ADD1: variants seen among roughly 807,000 people sequenced by gnomAD.
ADD1 encodes alpha-adducin.
Under a neutral mutation model 80.5 loss-of-function variants are expected in ADD1, and 24 were observed. That is an observed-to-expected ratio of 0.30 (90% CI 0.22 to 0.42). The LOEUF (loss-of-function observed/expected upper bound fraction) is 0.42, where lower values mean the gene tolerates loss of function less well. Ranked by LOEUF, ADD1 falls within the 10% of genes least tolerant of loss-of-function variation. The pLI is 1.00. For missense variants in ADD1, 948 were observed against 1,019.0 expected (o/e 0.93, Z 0.95); for synonymous variants, 373 against 393.8 (o/e 0.95, Z 0.63).
At chr4:2,915,103 T>G in intron 14 of ADD1, 63 bp downstream of exon 14, 2 of 1,519,224 alleles carry the variant, frequency 1.3e-6, no homozygotes, top group South Asian at 1.3e-5. Context: ...GGAGCTTCTT[T>G]GTGGTCCAGG....
At chr4:2,897,539 TC>T (rs1454660133) in intron 6 of ADD1, among the ~76,000 whole-genome samples, 2 of 120,676 alleles carry the variant, frequency 1.7e-5, no homozygotes, top group Non-Finnish European at 3.5e-5. Context: ...GAAAACCTCC[TC>T]CTTTTTTTTT....
intron 14 of ADD1, among the ~76,000 whole-genome samples, chr4:2,923,583 G>A (rs767365878): frequency 1.6e-4 from 24 of 152,206 alleles, no homozygotes; most frequent in Non-Finnish European, 2.4e-4. Flanking sequence ...GTTCCTATTC[G>A]GCCATGTTGC....
intron 1 of ADD1, among the ~76,000 whole-genome samples, chr4:2,858,203 C>T (rs927667264): frequency 2.6e-5 from 4 of 152,206 alleles, no homozygotes; most frequent in Admixed American, 1.3e-4. Context: ...GAATGTTCTT[C>T]TGGTGTCCTT....
At chr4:2,916,240 G>T (rs1739044293) in intron 14 of ADD1, among the ~76,000 whole-genome samples, 1 of 150,848 alleles carries the variant, frequency 6.6e-6, no homozygotes, top group Non-Finnish European at 1.5e-5. Context: ...TCTGTCGCCA[G>T]GCTGGAGTGC....
intron 4 of ADD1, among the ~76,000 whole-genome samples, chr4:2,886,145 C>T (rs1314631028): frequency 6.6e-6 from 1 of 152,110 alleles, no homozygotes; most frequent in Non-Finnish European, 1.5e-5. Context: ...GTAATTCCAC[C>T]AATACTTCCA....
intron 2 of ADD1, 43 bp from the exon 3 acceptor site, chr4:2,881,855 C>A (rs764781475): frequency 3.9e-6 from 6 of 1,539,682 alleles, no homozygotes; most frequent in Non-Finnish European, 5.2e-6. Context: ...GCCCAAGGAA[C>A]AGAAAATAAA....
chr4:2,895,928 T>C (rs1279363234), intron 6 of ADD1, among the ~76,000 whole-genome samples: 1 of 151,486 alleles, frequency 6.6e-6, no homozygotes, highest in African/African-American at 2.4e-5. Context: ...CGCTCTGTCA[T>C]CCAGGCTGGA....
chr4:2,905,042 C>A lies in ADD1; in HGVS notation c.1440C>A (p.His480Gln). Residue 480 changes from histidine to glutamine, a missense_variant, in exon 10 of 16, where the codon CAC becomes CAA. His to Gln is a conservative substitution (Grantham distance 24). Coordinates refer to ENST00000683351, the MANE Select transcript of ADD1 (RefSeq NM_001354761.2). Reference protein sequence around the residue: ...TKVWTNITHDHVKPLLQSLSS... With the variant: ...TKVWTNITHDQVKPLLQSLSS... The stretch of plus-strand genomic sequence containing the variant: ...TGTGGACGAACATTACACACGATCA[C>A]GTGAAACCCTTGCTGCAGTCTCTCT... The A allele has an allele frequency of 6.2e-7, 1 of 1,614,192 alleles. No homozygotes were observed. The highest frequency in any genetic ancestry group is 8.5e-7 in the Non-Finnish European group (1 of 1,180,038).
chr4:2,885,434 T>TAGTA (rs1462207094), intron 4 of ADD1, among the ~76,000 whole-genome samples: 1 of 152,184 alleles, frequency 6.6e-6, no homozygotes, highest in Non-Finnish European at 1.5e-5. Context: ...CCTTCTCTAC[T>TAGTA]ATCTTTGAGA....
In ADD1 at chr4:2,894,573, T is replaced by C; in HGVS notation, c.592-9T>C. Reference sequence around the variant, plus strand: ...TTGGTATTTTACATTTTTATTTTTTTATTTTCAGGTTAAGATCAATCTACA... The same window carrying C: ...TTGGTATTTTACATTTTTATTTTTTCATTTTCAGGTTAAGATCAATCTACA... On this transcript the variant is annotated splice_polypyrimidine_tract_variant and intron_variant, in intron 5 of 15. Transcript: ENST00000683351. The C allele has an allele frequency of 6.3e-7, 1 of 1,579,210 alleles. No individual in the cohort carries two copies. The highest frequency in any genetic ancestry group is 8.5e-7 in the Non-Finnish European group (1 of 1,169,840).
chr4:2,905,102 C>G lies in ADD1; in HGVS notation c.1500C>G (p.Asn500Lys). The G allele has an allele frequency of 6.2e-7, 1 of 1,614,150 alleles. No homozygotes were observed. Among genetic ancestry groups the G allele is most frequent in the Non-Finnish European group, 8.5e-7 (1 of 1,179,992 alleles). Residue 500 changes from asparagine to lysine, a missense_variant, in exon 10 of 16, where the codon AAC becomes AAG. Asn to Lys is a moderately conservative substitution (Grantham distance 94). Coordinates refer to ENST00000683351, the MANE Select transcript of ADD1 (RefSeq NM_001354761.2). ...TCTGCGTGCCAAGCTGTATTACCAA[C>G]TGCTTGGTCTGTGCCTACCTTACTG... ...SGVCVPSCIT[N>K]CLWTKEDGHR...
At chr4:2,908,739 C>G in intron 12 of ADD1, 135 bp downstream of exon 12, 1 of 746,690 alleles carries the variant, frequency 1.3e-6, no homozygotes, top group East Asian at 2.7e-5. Context: ...TTAAAACCTT[C>G]ATGATGAGAA....
intron 14 of ADD1, among the ~76,000 whole-genome samples, chr4:2,917,853 G>C (rs1276515472): frequency 6.6e-6 from 1 of 152,172 alleles, no homozygotes; most frequent in African/African-American, 2.4e-5. Context: ...CATTATTTCT[G>C]AGGCCTCTGT....
In ADD1 at chr4:2,898,226, G is replaced by T. The variant is rs199940053; in HGVS notation, c.784G>T (p.Ala262Ser). 4.0e-5 allele frequency: 64 copies of T among 1,613,944 alleles called. No homozygotes were observed. The highest frequency in any genetic ancestry group is 5.1e-5 in the Non-Finnish European group (60 of 1,179,964). ...KCGLLPISPEALSLGEVAYHD... is the reference protein window; with the variant it reads ...KCGLLPISPESLSLGEVAYHD... ...TGGCCTCTTGCCAATCTCCCCGGAG[G>T]CGCTTTCCCTTGGAGAAGTGGCTTA... Residue 262 changes from alanine to serine, a missense_variant, in exon 7 of 16, where the codon GCG becomes TCG. By Grantham distance (99) the Ala-to-Ser change is moderately conservative (BLOSUM62 1). Coordinates refer to ENST00000683351, the MANE Select transcript of ADD1 (RefSeq NM_001354761.2).
chr4:2,884,658 C>T lies in ADD1; in HGVS notation c.502C>T (p.His168Tyr). 1 of 1,606,690 alleles carries T rather than the reference C, an allele frequency of 6.2e-7. No individual in the cohort carries two copies. The highest frequency in any genetic ancestry group is 1.3e-5 in the African/African-American group (1 of 74,812). ...LFGWSQLIYN[H>Y]ITTRVNSEQE... ...TGGGTGGTCTCAGCTTATCTACAAT[C>T]ATATCACAGTGAGTATTAAATGGGC... Residue 168 changes from histidine (H) to tyrosine (Y), a missense_variant, in exon 4 of 16, where the codon CAT becomes TAT. Physicochemically the swap from His to Tyr is moderately conservative, Grantham distance 83. Transcript: ENST00000683351.
intron 1 of ADD1, among the ~76,000 whole-genome samples, chr4:2,865,949 A>C (rs993018571): frequency 6.6e-6 from 1 of 152,356 alleles, no homozygotes; most frequent in South Asian, 2.1e-4. Context: ...TGTTCAGGAC[A>C]TGTGGCTCAG....
chr4:2,876,288 A>G, intron 2 of ADD1, 178 bp downstream of exon 2: 1 of 505,792 alleles, frequency 2.0e-6, no homozygotes, highest in Non-Finnish European at 3.3e-6. Context: ...ATCAGACATC[A>G]TAAATGAAAA....
chr4:2,884,520 G>A lies in ADD1; in HGVS notation c.364G>A (p.Gly122Ser). 1 of 1,599,738 alleles carries A rather than the reference G, an allele frequency of 6.3e-7. No individual in the cohort carries two copies. The highest frequency in any genetic ancestry group is 8.5e-7 in the Non-Finnish European group (1 of 1,170,040). ...GGMAALNMSL[G>S]MVTPVNDLRG... ...TTTGTTTTTCTTTATTTCAGGTCTT[G>A]GTATGGTGACTCCTGTGAACGATCT... Residue 122 changes from glycine (G) to serine (S), a missense_variant, in exon 4 of 16, where the codon GGT (glycine) becomes AGT (serine). Gly to Ser is a moderately conservative substitution (Grantham distance 56, BLOSUM62 0). Coordinates refer to ENST00000683351, the MANE Select transcript of ADD1 (RefSeq NM_001354761.2).
At chr4:2,868,219 T>C (rs1232600084) in intron 1 of ADD1, 12 of 152,224 alleles carry the variant, frequency 7.9e-5, no homozygotes, top group Admixed American at 7.9e-4. Flanking sequence ...ACGGTTGTGT[T>C]TGGGAGATAG....
Sources: gnomAD v4.1 joint callset for allele counts (sites outside exome capture counted in the v4.1 genomes callset) on GRCh38, gnomAD v4.1.1 for gene constraint, MANE v1.5 for transcripts, NCBI Gene and HGNC (gene_info 2026-07-23, HGNC 2026-07-21) for gene names.